TRMT44: variants seen among roughly 807,000 people sequenced by gnomAD.
The protein encoded by TRMT44 is tRNA methyltransferase 44 homolog, also known as probable tRNA (uracil-O(2)-)-methyltransferase.
In TRMT44, 78 loss-of-function variants were observed where a neutral mutation model predicts 77.3. That is an observed-to-expected ratio of 1.01 (90% CI 0.84 to 1.22). The LOEUF (loss-of-function observed/expected upper bound fraction) is 1.22. TRMT44 is among the 50% of genes most tolerant of loss of function. The pLI is 0.00. For missense variants in TRMT44, 1,090 were observed against 964.4 expected, an observed-to-expected ratio of 1.13 and a Z score of -1.73; for synonymous variants, 391 against 383.3, an observed-to-expected ratio of 1.02 and a Z score of -0.23.
intron 10 of TRMT44, among the ~76,000 whole-genome samples, chr4:8,474,390 C>T (rs920229810): frequency 1.3e-5 from 2 of 152,038 alleles, no homozygotes; most frequent in Admixed American, 6.5e-5. Flanking sequence ...ACCTCAGCTC[C>T]AATGTTGGGA....
downstream of TRMT44, among the ~76,000 whole-genome samples, chr4:8,481,329 C>T (rs999599628): frequency 2.6e-5 from 4 of 152,210 alleles, no homozygotes; most frequent in Admixed American, 2.0e-4. Context: ...CTCATGCCTC[C>T]CTAAAATACA....
chr4:8,491,099 C>G (rs900615214), intron 2 of TRMT44, among the ~76,000 whole-genome samples: 1 of 151,634 alleles, frequency 6.6e-6, no homozygotes, highest in South Asian at 2.1e-4. Context: ...CTGAGCTAGA[C>G]ATAAAGGTTC....
chr4:8,449,570 G>A (rs1296673080), intron 2 of TRMT44, 99 bp from the exon 3 acceptor site: 2 of 962,884 alleles, frequency 2.1e-6, no homozygotes, highest in African/African-American at 1.6e-5. Flanking sequence ...TAATATAGAT[G>A]TCTTAGCTTC....
chr4:8,444,022 A>T lies in TRMT44; in HGVS notation c.620-2454A>T, dbSNP rs949319633. Among the ~76,000 whole-genome samples, 1 of 152,118 alleles carries T rather than the reference A, an allele frequency of 6.6e-6. No homozygotes were observed. The highest frequency in any genetic ancestry group is 2.4e-5 in the African/African-American group (1 of 41,408). On this transcript the variant is annotated intron_variant, in intron 1 of 10. Coordinates refer to ENST00000389737, the MANE Select transcript of TRMT44 (RefSeq NM_152544.3). This position sits in a 1 kb window ranked among gnomAD's most constrained non-coding sequence, Gnocchi z 4.0. ...TGTTAGTAGCAGGTGACAGGATGAC[A>T]TAGTGGTTAAGAACTTGACTTCTTT... is the stretch of plus-strand genomic sequence containing the variant.
rs781014111 is a variant in TRMT44, at chr4:8,446,217, T to C, written c.620-259T>C. On this transcript the variant is annotated intron_variant, in intron 1 of 10. Transcript: ENST00000389737. The surrounding 1 kb of genome is among the most constrained non-coding windows in gnomAD (Gnocchi z 4.3). ...AAGTTCCAATAGAGTCCACATTGGC[T>C]GGCTCTTCCCTCAGGTCCTGGCTCA... Among the ~76,000 whole-genome samples the C allele has an allele frequency of 2.6e-5, 4 of 152,352 alleles. No homozygotes were observed. The highest frequency in any genetic ancestry group is 5.9e-5 in the Non-Finnish European group (4 of 68,030).
chr4:8,449,929 A>ATTT, intron 3 of TRMT44, 41 bp downstream of exon 3: 1 of 242,670 alleles, frequency 4.1e-6, no homozygotes, highest in Non-Finnish European at 6.0e-6. Flanking sequence ...CCCCTTCATG[A>ATTT]TTTTCTTTTC....
chr4:8,464,704 G>A (rs1228163253), intron 7 of TRMT44, among the ~76,000 whole-genome samples: 14 of 152,136 alleles, frequency 9.2e-5, no homozygotes, highest in Admixed American at 7.9e-4. Flanking sequence ...AAAAGCTGAC[G>A]TCTTAAAGTA....
At position 8,443,299 on chromosome 4, in the gene TRMT44, CA is replaced by C. The variant is rs776028245; in HGVS notation, c.619+1859del. 3.6e-4 allele frequency among the ~76,000 whole-genome samples: 55 copies of C among 152,184 alleles called. 1 individual carries two copies. Among genetic ancestry groups the C allele is most frequent in the Non-Finnish European group, 5.1e-4 (35 of 68,038 alleles). ...GCCTTCATGTGTAGACTTCGCTGAA[CA>C]GAGGGGTAGGACAGAATTTTTTCCT... On this transcript the variant is annotated intron_variant, in intron 1 of 10. Transcript: ENST00000389737.
chr4:8,483,480 AGC>A (rs1727699330), intron 2 of TRMT44, among the ~76,000 whole-genome samples: 1 of 152,102 alleles, frequency 6.6e-6, no homozygotes. Context: ...AATAAAAAGG[AGC>A]GTCTATACAG....
intron 10 of TRMT44, among the ~76,000 whole-genome samples, chr4:8,474,054 C>T (rs573332608): frequency 4.5e-4 from 68 of 152,190 alleles, no homozygotes; most frequent in Non-Finnish European, 7.2e-4. Context: ...GGCCTGCCGC[C>T]AGCTGGCCTG....
At position 8,452,732 on chromosome 4, in the gene TRMT44, C is replaced by T; in HGVS notation, c.1024-150C>T. On this transcript the variant is annotated intron_variant, in intron 4 of 10. Transcript: ENST00000389737. This position sits in a 1 kb window ranked among gnomAD's most constrained non-coding sequence, Gnocchi z 5.7. The stretch of plus-strand genomic sequence containing the variant: ...CTGGGCGGCAAGAGCAACACTCCAT[C>T]TCAAAAAAAGAAAAAAAAAAAAGAA... 2 of 491,260 alleles carry T rather than the reference C, an allele frequency of 4.1e-6. No individual in the cohort carries two copies. The highest frequency in any genetic ancestry group is 7.1e-6 in the Non-Finnish European group (2 of 281,746). The allele number at this position is 491,260 out of a possible 1,614,324, so 30.4% of individuals were successfully genotyped here.
intron 3 of TRMT44, among the ~76,000 whole-genome samples, chr4:8,450,255 G>A (rs540496636): frequency 6.6e-6 from 1 of 152,008 alleles, no homozygotes; most frequent in South Asian, 2.1e-4. Context: ...TTTACATGAG[G>A]TAAAATAATC....
At chr4:8,488,975 TGAAAG>T (rs760237032) in intron 2 of TRMT44, among the ~76,000 whole-genome samples, 1 of 152,088 alleles carries the variant, frequency 6.6e-6, no homozygotes. Context: ...AGCAAGATCT[TGAAAG>T]GAACTGTGTT....
At chr4:8,508,012 T>A in the TRMT44 span, among the ~76,000 whole-genome samples, 1 of 152,254 alleles carries the variant, frequency 6.6e-6, no homozygotes, top group Non-Finnish European at 1.5e-5. Flanking sequence ...GTTCAAGTGA[T>A]TCTCCTGCCT....
chr4:8,485,087 ATAAAG>A (rs1162736590), intron 2 of TRMT44, among the ~76,000 whole-genome samples: 1 of 152,200 alleles, frequency 6.6e-6, no homozygotes, highest in Non-Finnish European at 1.5e-5. Flanking sequence ...AGGGGTGGAA[ATAAAG>A]TAAATCATGA....
the TRMT44 span, chr4:8,511,065 A>T: frequency 6.6e-6 from 1 of 152,258 alleles, no homozygotes. Flanking sequence ...AAGGTCAGGA[A>T]CGGCCTGGTG....
At chr4:8,471,424 T>C (rs955978235) in intron 10 of TRMT44, among the ~76,000 whole-genome samples, 10 of 152,208 alleles carry the variant, frequency 6.6e-5, no homozygotes, top group African/African-American at 2.4e-4. Context: ...TCCCATGCGA[T>C]GTCCCCAGGC....
chr4:8,512,434 AT>A, the TRMT44 span: 1 of 152,198 alleles, frequency 6.6e-6, no homozygotes, highest in South Asian at 2.1e-4. Flanking sequence ...GATTTCCAGT[AT>A]GGGAGGTATA....
intron 8 of TRMT44, among the ~76,000 whole-genome samples, chr4:8,467,641 C>T (rs189774271): frequency 1.4e-4 from 21 of 152,182 alleles, no homozygotes; most frequent in Non-Finnish European, 2.1e-4. Context: ...CCACCACGCC[C>T]GGCTAATTTT....
Sources: gnomAD v4.1 joint callset for allele counts (sites outside exome capture counted in the v4.1 genomes callset) on GRCh38, gnomAD v4.1.1 for gene constraint, Gnocchi (gnomAD v3.1) non-coding constraint, MANE v1.5 for transcripts, NCBI Gene and HGNC (gene_info 2026-07-23, HGNC 2026-07-21) for gene names.